The following NGEF variants were observed in gnomAD, a reference collection of about 807,000 sequenced individuals.
NGEF encodes the protein ephexin-1.
NGEF carries 31 observed loss-of-function variants against 80.9 expected under a neutral mutation model. The observed-to-expected ratio is 0.38, with a 90% CI of 0.29 to 0.52. NGEF has a LOEUF of 0.52. NGEF is among the 20% of genes least tolerant of loss of function. The probability of loss-of-function intolerance (pLI) is 0.84; values close to 1 mark genes in which losing one functional copy is unlikely to be tolerated. For missense variants in NGEF, 709 were observed against 926.2 expected, an observed-to-expected ratio of 0.77 and a Z score of 3.04; for synonymous variants, 371 against 370.2, an observed-to-expected ratio of 1.00 and a Z score of -0.03.
At chr2:232,976,450 T>G (rs532692345) in intron 1 of NGEF, among the ~76,000 whole-genome samples, 2 of 152,286 alleles carry the variant, frequency 1.3e-5, no homozygotes, top group African/African-American at 4.8e-5. Flanking sequence ...GCAGGTGGTC[T>G]GGCAGAATAG....
chr2:232,977,941 G>C (rs1412262806), intron 1 of NGEF, among the ~76,000 whole-genome samples: 1 of 152,196 alleles, frequency 6.6e-6, no homozygotes, highest in Non-Finnish European at 1.5e-5. Context: ...TGTGGGCCTG[G>C]GTGCCTGGCG....
chr2:232,924,739 A>C (rs1693023699), intron 4 of NGEF, among the ~76,000 whole-genome samples: 1 of 152,234 alleles, frequency 6.6e-6, no homozygotes, highest in Non-Finnish European at 1.5e-5. Context: ...AACTGAGATG[A>C]GACACTTTTG....
chr2:232,901,580 G>A, intron 5 of NGEF: 1 of 263,708 alleles, frequency 3.8e-6, no homozygotes, highest in Non-Finnish European at 5.9e-6. Context: ...CTGAAGGGCG[G>A]GCTCACTGGC....
intron 3 of NGEF, among the ~76,000 whole-genome samples, chr2:232,950,064 G>A (rs1445582717): frequency 6.6e-6 from 1 of 150,944 alleles, no homozygotes; most frequent in African/African-American, 2.4e-5. Flanking sequence ...CACCAGCCTC[G>A]GCCTCCCAAA....
chr2:232,967,160 G>A (rs546765360), intron 3 of NGEF, among the ~76,000 whole-genome samples: 16 of 152,178 alleles, frequency 1.1e-4, no homozygotes, highest in African/African-American at 3.1e-4. Context: ...ATGTTTAAAA[G>A]TGTGTGGCAC....
intron 7 of NGEF, 92 bp from the exon 8 acceptor site, chr2:232,891,579 G>T (rs889968114): frequency 2.2e-4 from 310 of 1,399,980 alleles, no homozygotes; most frequent in Non-Finnish European, 2.6e-4. Context: ...CCAGGATCCA[G>T]ACGACCCACG....
Position 232,891,900 on chromosome 2 carries a change from C to G in NGEF, c.1143-413G>C, listed in dbSNP as rs6756855. Among the ~76,000 whole-genome samples, 1,218 of 152,284 alleles carry G rather than the reference C, an allele frequency of 8.0e-3. 13 individuals carry two copies. Among genetic ancestry groups the G allele is most frequent in the African/African-American group, 0.028 (1,168 of 41,526 alleles). ...TCTGACAGGTGGGCTCAGCGGTGGG[C>G]TGGGCCACAGCGCTGATGAGGGCTG... On this transcript the variant is annotated intron_variant, in intron 7 of 14. Coordinates refer to ENST00000264051, the MANE Select transcript of NGEF (RefSeq NM_019850.3).
intron 5 of NGEF, among the ~76,000 whole-genome samples, chr2:232,908,859 A>ATCTG (rs1204697517): frequency 6.6e-6 from 1 of 151,950 alleles, no homozygotes; most frequent in African/African-American, 2.4e-5. Context: ...TCTTATTGAC[A>ATCTG]GCTTTCTAAT....
chr2:233,006,939 C>G (rs1695096643), intron 1 of NGEF, among the ~76,000 whole-genome samples: 1 of 152,170 alleles, frequency 6.6e-6, no homozygotes. Flanking sequence ...TTCTCACCAC[C>G]TTTAATTTAA....
At chr2:232,883,527 A>G in intron 11 of NGEF, 61 bp from the exon 12 acceptor site, 1 of 1,441,596 alleles carries the variant, frequency 6.9e-7, no homozygotes, top group Non-Finnish European at 9.2e-7. Flanking sequence ...GGGTCCCAGG[A>G]GAGCCCCACT....
intron 1 of NGEF, among the ~76,000 whole-genome samples, chr2:233,002,250 AC>A (rs1160307055): frequency 6.6e-6 from 1 of 152,216 alleles, no homozygotes; most frequent in Non-Finnish European, 1.5e-5. Context: ...CTAGAAAAAA[AC>A]CCAGTTAGCA....
At chr2:232,942,034 C>A (rs780427278) in intron 3 of NGEF, among the ~76,000 whole-genome samples, 2 of 152,188 alleles carry the variant, frequency 1.3e-5, no homozygotes, top group Admixed American at 6.5e-5. Context: ...ATAGTCCCAT[C>A]AGGTGAGTCA....
intron 1 of NGEF, among the ~76,000 whole-genome samples, chr2:232,998,490 G>A (rs573652254): frequency 6.6e-6 from 1 of 152,312 alleles, no homozygotes; most frequent in Non-Finnish European, 1.5e-5. Flanking sequence ...AGAGCCAGAG[G>A]CCAGGACAAG....
chr2:232,965,823 T>A (rs1000762941), intron 3 of NGEF, among the ~76,000 whole-genome samples: 1 of 151,972 alleles, frequency 6.6e-6, no homozygotes, highest in Admixed American at 6.6e-5. Context: ...TCAACATCAA[T>A]GTGCTCACCA....
chr2:232,883,980 C>T lies in NGEF; in HGVS notation c.1601+1G>A. ...GCCTGATGCCCTGGGCCCCGACTCA[C>T]CCTGGAATCTGCCGGCAGATCACCA... On this transcript the variant is annotated splice_donor_variant, in intron 11 of 14. Coordinates refer to ENST00000264051, the MANE Select transcript of NGEF (RefSeq NM_019850.3). LOFTEE classifies it high-confidence loss of function. The T allele has an allele frequency of 6.2e-7, 1 of 1,607,554 alleles. No homozygotes were observed. Among genetic ancestry groups the T allele is most frequent in the Non-Finnish European group, 8.5e-7 (1 of 1,177,090 alleles).
intron 3 of NGEF, among the ~76,000 whole-genome samples, chr2:232,943,398 G>A (rs546137674): frequency 1.3e-5 from 2 of 152,118 alleles, no homozygotes; most frequent in East Asian, 3.9e-4. Context: ...AAACTCCTGA[G>A]AATATATCCT....
intron 12 of NGEF, 126 bp from the exon 13 acceptor site, chr2:232,882,391 C>T: frequency 1.2e-6 from 1 of 849,770 alleles, no homozygotes; most frequent in South Asian, 1.6e-5. Flanking sequence ...CGCTCAAGCC[C>T]ACCCCAGGGA....
At chr2:232,901,053 A>C (rs539362599) in intron 5 of NGEF, among the ~76,000 whole-genome samples, 1 of 152,228 alleles carries the variant, frequency 6.6e-6, no homozygotes, top group Non-Finnish European at 1.5e-5. Context: ...CAAAAGAGGA[A>C]CCAGGACACC....
intron 2 of NGEF, among the ~76,000 whole-genome samples, chr2:232,973,275 C>T (rs185617257): frequency 1.9e-3 from 284 of 152,238 alleles, no homozygotes; most frequent in Admixed American, 2.1e-3. Flanking sequence ...TTTTAGTATA[C>T]GGGAAATTTC....
Sources: allele counts gnomAD v4.1 joint callset (sites outside exome capture counted in the v4.1 genomes callset), GRCh38; gene constraint gnomAD v4.1.1; transcripts MANE v1.5; gene names NCBI Gene and HGNC (gene_info 2026-07-23, HGNC 2026-07-21).